The following NRCAM variants were observed in gnomAD, a reference collection of about 807,000 sequenced individuals.
The protein encoded by NRCAM is neuronal cell adhesion molecule, also known as NgCAM-related cell adhesion molecule.
A neutral mutation model predicts 156.5 loss-of-function variants in NRCAM; 83 were observed. The ratio of observed to expected loss-of-function variants is 0.53; its 90% CI spans 0.44 to 0.64. The LOEUF (loss-of-function observed/expected upper bound fraction) is 0.64. Among genes scored for constraint, NRCAM ranks in the 30% least tolerant of loss-of-function variants. The pLI is 0.00. For synonymous variants in NRCAM, 538 were observed against 563.9 expected, an observed-to-expected ratio of 0.95 and a Z score of 0.65; for missense variants, 1,417 against 1,597.3, an observed-to-expected ratio of 0.89 and a Z score of 1.92.
At position 108,278,448 on chromosome 7, in the gene NRCAM, C is replaced by T. The variant is rs2097727883; in HGVS notation, c.-107+34217G>A. On this transcript the variant is annotated intron_variant, in intron 3 of 32. Coordinates refer to ENST00000379028, the MANE Select transcript of NRCAM (RefSeq NM_001037132.4). ...TACACGGTGAGCACAGAACCAGCTA[C>T]TCAAGCCTCAGCAACGGCGGACGCC... Among the ~76,000 whole-genome samples, 3 of 152,206 alleles carry T rather than the reference C, an allele frequency of 2.0e-5. No homozygotes were observed. In the South Asian group the frequency reaches 6.2e-4, roughly 32 times the overall value.
chr7:108,270,618 C>G (rs997290678), intron 3 of NRCAM, among the ~76,000 whole-genome samples: 1 of 152,044 alleles, frequency 6.6e-6, no homozygotes, highest in African/African-American at 2.4e-5. Context: ...TCACAAGAAC[C>G]GCAAGGTAGA....
chr7:108,345,143 T>C (rs1239759176), intron 2 of NRCAM, among the ~76,000 whole-genome samples: 4 of 152,228 alleles, frequency 2.6e-5, no homozygotes, highest in Non-Finnish European at 4.4e-5. Flanking sequence ...TTGATTGTTT[T>C]ACTGTGTATA....
At chr7:108,191,624 T>G in intron 18 of NRCAM, 105 bp downstream of exon 18, 1 of 1,333,402 alleles carries the variant, frequency 7.5e-7, no homozygotes, top group Non-Finnish European at 1.0e-6. Context: ...AACTCACCCA[T>G]GCATATTAAC....
chr7:108,154,179 AT>A (rs2043417852), intron 32 of NRCAM, among the ~76,000 whole-genome samples: 1 of 152,176 alleles, frequency 6.6e-6, no homozygotes, highest in African/African-American at 2.4e-5. Flanking sequence ...ATTAAAACCT[AT>A]ATTATTAAGA....
intron 3 of NRCAM, among the ~76,000 whole-genome samples, chr7:108,309,188 T>A (rs1347897213): frequency 6.6e-6 from 1 of 152,208 alleles, no homozygotes; most frequent in Non-Finnish European, 1.5e-5. Context: ...TGCTAATGTT[T>A]CAAGAGATGT....
intron 20 of NRCAM, among the ~76,000 whole-genome samples, chr7:108,187,765 T>C (rs2067976562): frequency 6.6e-6 from 1 of 151,728 alleles, no homozygotes; most frequent in African/African-American, 2.4e-5. Context: ...TTCTGGCTAG[T>C]ACGGCAAAAC....
chr7:108,168,451 T>A, intron 28 of NRCAM, 49 bp from the exon 29 acceptor site: 3 of 1,461,314 alleles, frequency 2.1e-6, no homozygotes, highest in Non-Finnish European at 2.7e-6. Flanking sequence ...TGCAACACCA[T>A]ACACACGAAT....
chr7:108,248,430 G>A (rs1193023530), intron 3 of NRCAM, among the ~76,000 whole-genome samples: 1 of 152,020 alleles, frequency 6.6e-6, no homozygotes, highest in Non-Finnish European at 1.5e-5. Context: ...TTCCTAATGA[G>A]TGTGAAGGGT....
At chr7:108,254,030 T>C (rs1397226733) in intron 3 of NRCAM, among the ~76,000 whole-genome samples, 1 of 152,180 alleles carries the variant, frequency 6.6e-6, no homozygotes, top group Admixed American at 6.5e-5. Flanking sequence ...AGAATAAAAG[T>C]CAATAGTTTT....
intron 3 of NRCAM, among the ~76,000 whole-genome samples, chr7:108,280,886 G>C (rs921083199): frequency 1.1e-4 from 16 of 152,270 alleles, no homozygotes; most frequent in Non-Finnish European, 2.1e-4. Context: ...GGTAGACAGG[G>C]AGGCAATGGT....
chr7:108,410,006 CTTGT>C (rs990351656), intron 1 of NRCAM, among the ~76,000 whole-genome samples: 2 of 152,162 alleles, frequency 1.3e-5, no homozygotes, highest in African/African-American at 2.4e-5. Flanking sequence ...CTGCCACCAC[CTTGT>C]TTGTTTTTAA....
chr7:108,192,417 T>C (rs1003325255), intron 17 of NRCAM, among the ~76,000 whole-genome samples: 7 of 151,966 alleles, frequency 4.6e-5, no homozygotes, highest in African/African-American at 7.3e-5. Flanking sequence ...TATTACAACA[T>C]AATAATAATA....
Position 108,150,122 on chromosome 7 carries a change from T to C in NRCAM, c.3703A>G (p.Lys1235Glu). 1 of 1,611,926 alleles carries C rather than the reference T, an allele frequency of 6.2e-7. No homozygotes were observed. Among genetic ancestry groups the C allele is most frequent in the Non-Finnish European group, 8.5e-7 (1 of 1,179,472 alleles). The stretch of plus-strand genomic sequence containing the variant: ...TCTGAAGGAGTTCGACTTCCTTTTT[T>C]CAAAGGCTTGTGGTCTTCTGCATCA... ...YSDAEDHKPL[K>E]KGSRTPSDRT... is the part of the protein sequence containing the mutation. Residue 1235 changes from lysine (K) to glutamate (E), a missense_variant, in exon 33 of 33, where the codon AAA (lysine) becomes GAA (glutamate). This residue lies in a region of NRCAM where 179 missense variants were observed against 260.9 expected (regional missense o/e 0.69). Transcript: ENST00000379028.
intron 1 of NRCAM, among the ~76,000 whole-genome samples, chr7:108,416,292 T>C (rs1297453448): frequency 6.6e-6 from 1 of 152,244 alleles, no homozygotes; most frequent in Non-Finnish European, 1.5e-5. Flanking sequence ...TATAGTATCA[T>C]AGTGTCTATT....
intron 2 of NRCAM, among the ~76,000 whole-genome samples, chr7:108,362,967 G>A (rs917222014): frequency 6.6e-6 from 1 of 152,102 alleles, no homozygotes; most frequent in Non-Finnish European, 1.5e-5. Flanking sequence ...CAGGAAATGT[G>A]CAAGATGAGC....
chr7:108,252,201 G>A (rs1349277632), intron 3 of NRCAM, among the ~76,000 whole-genome samples: 3 of 152,178 alleles, frequency 2.0e-5, no homozygotes, highest in Non-Finnish European at 4.4e-5. Flanking sequence ...GGAATGGGGA[G>A]AATAAATGGC....
At chr7:108,306,368 T>C (rs2098714943) in intron 3 of NRCAM, among the ~76,000 whole-genome samples, 2 of 152,192 alleles carry the variant, frequency 1.3e-5, no homozygotes, top group African/African-American at 4.8e-5. Context: ...ATGTTAAAGG[T>C]AATTTTTCTG....
intron 1 of NRCAM, among the ~76,000 whole-genome samples, chr7:108,429,166 T>G (rs1821463632): frequency 6.6e-6 from 1 of 152,190 alleles, no homozygotes; most frequent in Admixed American, 6.5e-5. Context: ...ATCTCCTCTT[T>G]AAACTGGATT....
chr7:108,345,764 GAAAT>G (rs2099349094), intron 2 of NRCAM, among the ~76,000 whole-genome samples: 1 of 152,200 alleles, frequency 6.6e-6, no homozygotes, highest in Non-Finnish European at 1.5e-5. Context: ...AAAACTGTGA[GAAAT>G]AAGTTTCTAT....
Sources: allele counts gnomAD v4.1 joint callset (sites outside exome capture counted in the v4.1 genomes callset), GRCh38; gene constraint gnomAD v4.1.1; regional missense constraint gnomAD v4.1.1; transcripts MANE v1.5; gene names NCBI Gene and HGNC (gene_info 2026-07-23, HGNC 2026-07-21).